RNF121: variants seen among roughly 807,000 people sequenced by gnomAD.
RNF121 encodes E3 ubiquitin ligase RNF121.
Under a neutral mutation model 46.5 loss-of-function variants are expected in RNF121, and 21 were observed. That is an observed-to-expected ratio of 0.45 (90% CI 0.32 to 0.65). The LOEUF (loss-of-function observed/expected upper bound fraction) is 0.65. Among genes scored for constraint, RNF121 ranks in the 30% least tolerant of loss-of-function variants. The probability of loss-of-function intolerance (pLI) is 0.04; values close to 1 mark genes in which losing one functional copy is unlikely to be tolerated. For synonymous variants in RNF121, 139 were observed against 144.7 expected, an observed-to-expected ratio of 0.96 and a Z score of 0.28; for missense variants, 346 against 416.0, an observed-to-expected ratio of 0.83 and a Z score of 1.46.
intron 7 of RNF121, 69 bp downstream of exon 7, chr11:71,994,921 A>G: frequency 6.2e-7 from 1 of 1,602,894 alleles, no homozygotes. Flanking sequence ...AGAGAGAAAG[A>G]GGGTGGTCAT....
intron 3 of RNF121, 51 bp from the exon 4 acceptor site, chr11:71,982,708 CAG>C: frequency 5.2e-6 from 8 of 1,533,170 alleles, no homozygotes; most frequent in Non-Finnish European, 6.1e-6. Flanking sequence ...GGACTGTGGA[CAG>C]AGCTGCAGAG....
At chr11:71,959,018 T>A (rs954245680) in intron 2 of RNF121, among the ~76,000 whole-genome samples, 5 of 152,214 alleles carry the variant, frequency 3.3e-5, no homozygotes, top group Admixed American at 6.5e-5. Flanking sequence ...TAGCCTATTC[T>A]CACAACAACT....
chr11:71,951,556 T>A (rs1384424935), intron 1 of RNF121, among the ~76,000 whole-genome samples: 1 of 151,152 alleles, frequency 6.6e-6, no homozygotes, highest in Non-Finnish European at 1.5e-5. Context: ...AGCCCAGGGA[T>A]TTGAGGCTCT....
At chr11:71,930,862 C>T (rs1407670846) in intron 1 of RNF121, among the ~76,000 whole-genome samples, 2 of 152,076 alleles carry the variant, frequency 1.3e-5, no homozygotes, top group African/African-American at 4.8e-5. Context: ...GATGGAGTTT[C>T]GCTCTTATTG....
At chr11:71,968,291 T>C (rs1954334420) in intron 3 of RNF121, among the ~76,000 whole-genome samples, 1 of 152,134 alleles carries the variant, frequency 6.6e-6, no homozygotes, top group East Asian at 1.9e-4. Context: ...AACTCTGGAC[T>C]TCAAGTGATC....
At chr11:71,972,070 T>C (rs1954432434) in intron 3 of RNF121, among the ~76,000 whole-genome samples, 1 of 152,198 alleles carries the variant, frequency 6.6e-6, no homozygotes, top group Non-Finnish European at 1.5e-5. Flanking sequence ...ATTAAGTACC[T>C]GTAGGAACTT....
At chr11:71,978,186 C>G (rs937500401) in intron 3 of RNF121, 2 of 451,642 alleles carry the variant, frequency 4.4e-6, no homozygotes, top group Non-Finnish European at 8.9e-6. Context: ...CAGGAGTGAG[C>G]CACCATGCCC....
chr11:71,989,745 A>T (rs1463710374), intron 5 of RNF121, among the ~76,000 whole-genome samples: 1 of 152,226 alleles, frequency 6.6e-6, no homozygotes, highest in Non-Finnish European at 1.5e-5. Flanking sequence ...CTTGTTAAAT[A>T]GACTTGGACC....
intron 1 of RNF121, among the ~76,000 whole-genome samples, chr11:71,949,719 G>A (rs903368123): frequency 6.6e-6 from 1 of 151,568 alleles, no homozygotes; most frequent in African/African-American, 2.4e-5. Flanking sequence ...GCACACGGCC[G>A]GGCACGGTGG....
chr11:71,988,467 T>C (rs921888591), intron 5 of RNF121, among the ~76,000 whole-genome samples: 3 of 151,986 alleles, frequency 2.0e-5, no homozygotes, highest in Non-Finnish European at 4.4e-5. Flanking sequence ...CTAGTTATAT[T>C]GTAGGCAGGA....
intron 3 of RNF121, among the ~76,000 whole-genome samples, chr11:71,970,531 G>T (rs1954399539): frequency 6.6e-6 from 1 of 152,058 alleles, no homozygotes; most frequent in Admixed American, 6.6e-5. Flanking sequence ...CTGTGGTGGT[G>T]TGCACTTGTA....
At chr11:71,944,738 A>C (rs1953673103) in intron 1 of RNF121, among the ~76,000 whole-genome samples, 1 of 152,200 alleles carries the variant, frequency 6.6e-6, no homozygotes, top group Admixed American at 6.5e-5. Context: ...CGAGAAGTAC[A>C]TGAGGTTGAA....
intron 1 of RNF121, 132 bp downstream of exon 1, chr11:71,929,256 TG>T (rs2134135268): frequency 6.4e-6 from 9 of 1,403,222 alleles, no homozygotes; most frequent in Non-Finnish European, 8.5e-6. Flanking sequence ...AGGGGGCGGG[TG>T]CGTGGAGAGC....
At chr11:71,951,951 C>A (rs1953891097) in intron 1 of RNF121, among the ~76,000 whole-genome samples, 1 of 152,136 alleles carries the variant, frequency 6.6e-6, no homozygotes, top group African/African-American at 2.4e-5. Context: ...ACCATATGAT[C>A]CAGCAATTCT....
intron 7 of RNF121, 125 bp downstream of exon 7, chr11:71,994,977 A>G: frequency 7.8e-7 from 1 of 1,285,636 alleles, no homozygotes; most frequent in Admixed American, 1.9e-5. Context: ...GAGAGCCACA[A>G]GAGGGCCACC....
chr11:71,954,260 T>G (rs1394513560), intron 1 of RNF121, among the ~76,000 whole-genome samples: 1 of 152,224 alleles, frequency 6.6e-6, no homozygotes, highest in African/African-American at 2.4e-5. Context: ...TTTTTTTTAC[T>G]TGAGCAGGAA....
intron 1 of RNF121, 22 bp downstream of exon 1, chr11:71,929,146 G>A (rs1359487263): frequency 6.5e-7 from 1 of 1,549,248 alleles, no homozygotes; most frequent in Non-Finnish European, 8.7e-7. Context: ...TGAGAGACGA[G>A]GAGAGACTCA....
intron 3 of RNF121, among the ~76,000 whole-genome samples, chr11:71,967,239 A>C (rs1022359831): frequency 1.3e-5 from 2 of 150,622 alleles, no homozygotes; most frequent in Non-Finnish European, 3.0e-5. Context: ...TTTAAATATA[A>C]TATTTATGTT....
chr11:71,956,750 C>A (rs2134171905), intron 1 of RNF121, among the ~76,000 whole-genome samples: 1 of 152,290 alleles, frequency 6.6e-6, no homozygotes, highest in East Asian at 1.9e-4. Context: ...TCCTTCCTGT[C>A]CATTTTAGTC....
Sources: gnomAD v4.1 joint callset for allele counts (sites outside exome capture counted in the v4.1 genomes callset) on GRCh38, gnomAD v4.1.1 for gene constraint, MANE v1.5 for transcripts, NCBI Gene and HGNC (gene_info 2026-07-23, HGNC 2026-07-21) for gene names.